Variants in PALM2AKAP2 observed in about 807,000 individuals in gnomAD.
PALM2AKAP2 encodes PALM2 and AKAP2 fusion, also known as PALM2-AKAP2 fusion protein.
In PALM2AKAP2, 37 loss-of-function variants were observed where a neutral mutation model predicts 71.5. That is an observed-to-expected ratio of 0.52 (90% CI 0.40 to 0.68). The LOEUF is 0.68. PALM2AKAP2 is among the 30% of genes least tolerant of loss of function. The probability of loss-of-function intolerance (pLI) is 0.00; values close to 1 mark genes in which losing one functional copy is unlikely to be tolerated. For synonymous variants in PALM2AKAP2, 468 were observed against 478.8 expected, an observed-to-expected ratio of 0.98 and a Z score of 0.29; for missense variants, 1,224 against 1,191.8, an observed-to-expected ratio of 1.03 and a Z score of -0.40.
rs905474675 is a variant in PALM2AKAP2, at chr9:110,035,817, A to G, written c.582+19778A>G. ...ATGTTGTGTGTTATATGTAACATAT[A>G]TATGATATGTTGTGTGTTATATATA... is the stretch of plus-strand genomic sequence containing the variant. On this transcript the variant is annotated intron_variant, in intron 7 of 9. Coordinates refer to the PALM2AKAP2 transcript ENST00000302798. 1.4e-4 allele frequency among the ~76,000 whole-genome samples: 21 copies of G among 146,248 alleles called. 1 individual carries two copies. Among genetic ancestry groups the G allele is most frequent in the African/African-American group, 5.3e-4 (21 of 39,972 alleles).
At chr9:109,717,908 A>C (rs959888677) in intron 1 of PALM2AKAP2, among the ~76,000 whole-genome samples, 2 of 152,230 alleles carry the variant, frequency 1.3e-5, no homozygotes, top group Non-Finnish European at 2.9e-5. Context: ...CATGAAAGAG[A>C]GAAAGTAAGA....
At chr9:109,665,112 CT>C (rs1827460900) in intron 1 of PALM2AKAP2, among the ~76,000 whole-genome samples, 1 of 152,068 alleles carries the variant, frequency 6.6e-6, no homozygotes, top group South Asian at 2.1e-4. Context: ...TTTTGGCTTC[CT>C]TGCGATGGGT....
At chr9:110,155,694 G>A (rs533357174) in intron 2 of PALM2AKAP2, among the ~76,000 whole-genome samples, 1 of 152,306 alleles carries the variant, frequency 6.6e-6, no homozygotes, top group Non-Finnish European at 1.5e-5. Flanking sequence ...CAGCAGGTGA[G>A]GTAAATGAAT....
intron 1 of PALM2AKAP2, among the ~76,000 whole-genome samples, chr9:109,665,806 C>T (rs1827473330): frequency 6.6e-6 from 1 of 152,218 alleles, no homozygotes; most frequent in South Asian, 2.1e-4. Flanking sequence ...GAGGTGGAGT[C>T]TAGAGACAGT....
rs963595072 is a variant in PALM2AKAP2 at position 110,134,611 on chromosome 9, G to A, written c.157-1516G>A. ...TCTGACAGCAGTGTAGAGCACTTAC[G>A]ATGAACTCCAGTGTTTTCTTAGGTC... On this transcript the variant is annotated intron_variant, in intron 1 of 3. Coordinates refer to ENST00000374525, the Ensembl canonical transcript of PALM2AKAP2. 3.3e-5 allele frequency among the ~76,000 whole-genome samples: 5 copies of A among 152,204 alleles called. No homozygotes were observed. The East Asian group carries it at 9.6e-4, about 29-fold the overall frequency.
At chr9:109,747,678 T>C (rs1320164117) in intron 1 of PALM2AKAP2, among the ~76,000 whole-genome samples, 1 of 149,352 alleles carries the variant, frequency 6.7e-6, no homozygotes, top group Admixed American at 6.7e-5. Context: ...AATTTTTTTC[T>C]TTTTTTTTTG....
At chr9:109,817,151 G>A (rs1827874461) in intron 1 of PALM2AKAP2, among the ~76,000 whole-genome samples, 1 of 152,192 alleles carries the variant, frequency 6.6e-6, no homozygotes, top group African/African-American at 2.4e-5. Context: ...ATTCTTATAA[G>A]TCTATTGGTT....
chr9:110,152,422 A>G (rs559168358), intron 2 of PALM2AKAP2, among the ~76,000 whole-genome samples: 2 of 152,158 alleles, frequency 1.3e-5, no homozygotes, highest in African/African-American at 4.8e-5. Context: ...GTTACTGGGG[A>G]AGTTCTGGGT....
At chr9:110,021,355 C>T (rs1833070727) in intron 7 of PALM2AKAP2, among the ~76,000 whole-genome samples, 2 of 152,110 alleles carry the variant, frequency 1.3e-5, no homozygotes, top group Non-Finnish European at 1.5e-5. Flanking sequence ...GTGCAGCCCT[C>T]CTGACACCTT....
intron 6 of PALM2AKAP2, among the ~76,000 whole-genome samples, chr9:109,950,394 T>A (rs1831609434): frequency 6.6e-6 from 1 of 152,214 alleles, no homozygotes; most frequent in Non-Finnish European, 1.5e-5. Flanking sequence ...ATTGTCTTTA[T>A]CCATAAAGGA....
chr9:110,163,261 C>G (rs1836648234), intron 3 of PALM2AKAP2, among the ~76,000 whole-genome samples: 1 of 152,020 alleles, frequency 6.6e-6, no homozygotes, highest in Non-Finnish European at 1.5e-5. Flanking sequence ...ATTTTCAAGG[C>G]TCTACTATGT....
At chr9:110,152,886 G>A (rs1275377499) in intron 2 of PALM2AKAP2, among the ~76,000 whole-genome samples, 1 of 152,206 alleles carries the variant, frequency 6.6e-6, no homozygotes, top group Non-Finnish European at 1.5e-5. Context: ...GGCTGAGCTA[G>A]CTTCCCTTGA....
intron 1 of PALM2AKAP2, among the ~76,000 whole-genome samples, chr9:110,096,048 C>A (rs1197821507): frequency 6.6e-6 from 1 of 152,172 alleles, no homozygotes; most frequent in Non-Finnish European, 1.5e-5. Context: ...TTCCATGATA[C>A]CCTTTTCTAT....
intron 1 of PALM2AKAP2, among the ~76,000 whole-genome samples, chr9:109,784,818 G>T (rs1256365769): frequency 6.6e-6 from 1 of 152,264 alleles, no homozygotes; most frequent in Non-Finnish European, 1.5e-5. Flanking sequence ...AGCACACTGT[G>T]CAGGTGGTCT....
chr9:109,789,380 G>A (rs1325680508), intron 1 of PALM2AKAP2, among the ~76,000 whole-genome samples: 2 of 152,214 alleles, frequency 1.3e-5, no homozygotes, highest in Non-Finnish European at 2.9e-5. Context: ...GCCAGGAGAA[G>A]CAGCAACTGA....
At chr9:109,971,381 A>G (rs573902865) in intron 6 of PALM2AKAP2, among the ~76,000 whole-genome samples, 1 of 137,198 alleles carries the variant, frequency 7.3e-6, no homozygotes, top group Admixed American at 8.3e-5. Flanking sequence ...GCCCCAGGCC[A>G]TTCAGAGCTT....
intron 1 of PALM2AKAP2, among the ~76,000 whole-genome samples, chr9:109,653,178 T>C (rs1827249602): frequency 6.6e-6 from 1 of 152,178 alleles, no homozygotes. Flanking sequence ...GCCTGCCCCC[T>C]TGAGGAATCA....
chr9:109,901,837 C>T (rs545820459), intron 3 of PALM2AKAP2, among the ~76,000 whole-genome samples: 2 of 152,258 alleles, frequency 1.3e-5, no homozygotes, highest in Admixed American at 6.5e-5. Flanking sequence ...ATGAGAACAC[C>T]AGAAAGCAAA....
At chr9:110,008,708 T>C (rs1471898275) in intron 6 of PALM2AKAP2, among the ~76,000 whole-genome samples, 1 of 152,034 alleles carries the variant, frequency 6.6e-6, no homozygotes, top group Admixed American at 6.6e-5. Context: ...TCATATTACA[T>C]GGCCAAGGTG....
Sources: gnomAD v4.1 joint callset for allele counts (sites outside exome capture counted in the v4.1 genomes callset) on GRCh38, gnomAD v4.1.1 for gene constraint, MANE v1.5 for transcripts, NCBI Gene and HGNC (gene_info 2026-07-23, HGNC 2026-07-21) for gene names.